The following ABTB2 variants were observed in gnomAD, a reference collection of about 807,000 sequenced individuals.
ABTB2 encodes the protein ankyrin repeat and BTB/POZ domain-containing protein 2.
In ABTB2, 56 loss-of-function variants were observed where a neutral mutation model predicts 104.1. That is an observed-to-expected ratio of 0.54 (90% confidence interval 0.43 to 0.67). The LOEUF (loss-of-function observed/expected upper bound fraction) is 0.67. Ranked by LOEUF, ABTB2 falls within the 30% of genes least tolerant of loss-of-function variation. The probability of loss-of-function intolerance (pLI) is 0.00; values close to 1 mark genes in which losing one functional copy is unlikely to be tolerated. For missense variants in ABTB2, 1,279 were observed against 1,407.7 expected (o/e 0.91, Z 1.46); for synonymous variants, 606 against 608.2 (o/e 1.00, Z 0.05).
intron 10 of ABTB2, 82 bp downstream of exon 10, chr11:34,162,494 G>T (rs1852735659): frequency 7.0e-7 from 1 of 1,426,598 alleles, no homozygotes; most frequent in Non-Finnish European, 9.6e-7. Context: ...GCCCTCTCAG[G>T]CCTGCTGAAG....
At chr11:34,213,371 T>C (rs752093954) in intron 1 of ABTB2, among the ~76,000 whole-genome samples, 17 of 152,082 alleles carry the variant, frequency 1.1e-4, no homozygotes, top group Non-Finnish European at 1.8e-4. Flanking sequence ...TCCCAGCTGC[T>C]CAGGAGGCTG....
chr11:34,303,636 C>CTTTTTTT (rs35677380), intron 1 of ABTB2, among the ~76,000 whole-genome samples: 2 of 79,120 alleles, frequency 2.5e-5, no homozygotes, highest in Non-Finnish European at 4.4e-5. Context: ...ACTATGGGTG[C>CTTTTTTT]TTTTTTTTTT....
At chr11:34,343,913 T>TA (rs1252716883) in intron 1 of ABTB2, among the ~76,000 whole-genome samples, 1 of 152,196 alleles carries the variant, frequency 6.6e-6, no homozygotes, top group African/African-American at 2.4e-5. Context: ...AGACCTCAGC[T>TA]ATCTAGCTGG....
At position 34,246,340 on chromosome 11, in the gene ABTB2, G is replaced by A. The variant is rs111365625; in HGVS notation, c.884-41650C>T. Among the ~76,000 whole-genome samples the A allele has an allele frequency of 3.5e-4, 54 of 152,176 alleles. 1 individual carries two copies. Among genetic ancestry groups the A allele is most frequent in the Admixed American group, 2.6e-3 (39 of 15,286 alleles). ...TCTTGGGCTGGGTGTGGTGGCTCAC[G>A]CCTGTAATCCCAGCACTTTGGGAGG... On this transcript the variant is annotated intron_variant, in intron 1 of 16. Coordinates refer to ENST00000435224, the MANE Select transcript of ABTB2 (RefSeq NM_145804.3).
At chr11:34,304,978 A>T (rs1854753712) in intron 1 of ABTB2, among the ~76,000 whole-genome samples, 1 of 152,218 alleles carries the variant, frequency 6.6e-6, no homozygotes, top group Non-Finnish European at 1.5e-5. Flanking sequence ...AAGTGTTTTC[A>T]GGAGTTATTT....
Position 34,356,979 on chromosome 11 carries a change from C to G in ABTB2, c.605G>C (p.Gly202Ala), listed in dbSNP as rs372711254. The change falls in exon 1 of 17, where the codon GGC (glycine) becomes GCC (alanine). Residue 202 changes from glycine (G) to alanine (A), a missense_variant. Transcript: ENST00000435224. The surrounding 1 kb of genome is among the most constrained non-coding windows in gnomAD (Gnocchi z 4.6). ...AAAGCGACCCACTGAGAAGGTGAGG[C>G]CGCAGCGCGCGGACTTGCCCCGGCG... is the stretch of plus-strand genomic sequence containing the variant. ...GLRRGKSARC[G>A]LTFSVGRFFR... 6.3e-7 allele frequency: 1 copy of G among 1,591,552 alleles called. No homozygotes were observed. The highest frequency in any genetic ancestry group is 1.3e-5 in the African/African-American group (1 of 74,744).
intron 1 of ABTB2, among the ~76,000 whole-genome samples, chr11:34,311,652 AAAG>A (rs1009278085): frequency 2.0e-5 from 3 of 152,186 alleles, no homozygotes; most frequent in Non-Finnish European, 4.4e-5. Context: ...TCTTTTTTGA[AAAG>A]AAGGTGTCCA....
chr11:34,233,317 T>A (rs1043179573), intron 1 of ABTB2, among the ~76,000 whole-genome samples: 2 of 141,000 alleles, frequency 1.4e-5, no homozygotes, highest in Non-Finnish European at 3.0e-5. Flanking sequence ...AATGGCATGA[T>A]CATGGCTCAC....
chr11:34,334,981 T>G, intron 1 of ABTB2: 2 of 525,072 alleles, frequency 3.8e-6, no homozygotes, highest in Non-Finnish European at 6.8e-6. Context: ...CCATATCACT[T>G]ACCAATGTTG....
intron 1 of ABTB2, among the ~76,000 whole-genome samples, chr11:34,225,799 G>A (rs1853678737): frequency 6.6e-6 from 1 of 152,082 alleles, no homozygotes; most frequent in Non-Finnish European, 1.5e-5. Flanking sequence ...GGCTGGTGGG[G>A]TGGGCAGAGA....
At chr11:34,301,649 G>A (rs1184295915) in intron 1 of ABTB2, among the ~76,000 whole-genome samples, 1 of 152,172 alleles carries the variant, frequency 6.6e-6, no homozygotes, top group Admixed American at 6.5e-5. Flanking sequence ...CAAAACTTCA[G>A]TTTCCTCTTG....
intron 1 of ABTB2, among the ~76,000 whole-genome samples, chr11:34,340,191 G>C (rs1450013093): frequency 6.6e-6 from 1 of 152,178 alleles, no homozygotes; most frequent in Non-Finnish European, 1.5e-5. Flanking sequence ...CCCCTTCTGG[G>C]TCGCTTTTTC....
intron 3 of ABTB2, among the ~76,000 whole-genome samples, chr11:34,177,849 G>A (rs895050874): frequency 3.3e-5 from 5 of 152,104 alleles, no homozygotes; most frequent in Admixed American, 1.3e-4. Context: ...TTACAGGCAT[G>A]AGGCACCGTG....
At chr11:34,156,201 G>A (rs1042660398) in intron 14 of ABTB2, among the ~76,000 whole-genome samples, 23 of 152,250 alleles carry the variant, frequency 1.5e-4, no homozygotes, top group African/African-American at 5.1e-4. Context: ...TCTCCCTGAG[G>A]CCACTTGAAT....
At chr11:34,275,566 A>T (rs1423027452) in intron 1 of ABTB2, among the ~76,000 whole-genome samples, 1 of 152,080 alleles carries the variant, frequency 6.6e-6, no homozygotes, top group African/African-American at 2.4e-5. Context: ...TCCACAGATG[A>T]CACTGGTACC....
chr11:34,322,796 C>G (rs529452945), intron 1 of ABTB2, among the ~76,000 whole-genome samples: 8 of 152,098 alleles, frequency 5.3e-5, no homozygotes, highest in Admixed American at 5.2e-4. Flanking sequence ...TTCAGCCCCC[C>G]ACCCTCCCAG....
intron 1 of ABTB2, among the ~76,000 whole-genome samples, chr11:34,246,444 A>G (rs1853983816): frequency 6.6e-6 from 1 of 152,044 alleles, no homozygotes; most frequent in African/African-American, 2.4e-5. Flanking sequence ...TTTACTAAAA[A>G]TACAAAATTA....
At chr11:34,198,851 C>G (rs759783056) in intron 2 of ABTB2, among the ~76,000 whole-genome samples, 1 of 152,192 alleles carries the variant, frequency 6.6e-6, no homozygotes, top group African/African-American at 2.4e-5. Context: ...GCAGCTCCTT[C>G]GGGGTCAGCT....
chr11:34,289,386 G>A (rs559953573), intron 1 of ABTB2, among the ~76,000 whole-genome samples: 22 of 152,286 alleles, frequency 1.4e-4, no homozygotes, highest in Admixed American at 2.0e-4. Context: ...TGCTAATGTC[G>A]TGCTTACTAT....
Sources: allele counts gnomAD v4.1 joint callset (sites outside exome capture counted in the v4.1 genomes callset), GRCh38; gene constraint gnomAD v4.1.1; non-coding constraint Gnocchi (gnomAD v3.1); transcripts MANE v1.5; gene names NCBI Gene and HGNC (gene_info 2026-07-23, HGNC 2026-07-21).